Variants in ENTREP2 observed in about 807,000 individuals in gnomAD.
ENTREP2 encodes the protein endosomal transmembrane epsin interactor 2.
At chr15:29,357,280 G>A in the ENTREP2 span, among the ~76,000 whole-genome samples, 16 of 151,968 alleles carry the variant, frequency 1.1e-4, no homozygotes, top group South Asian at 2.3e-3. Context: ...AGGTAGGGAA[G>A]GATTTCTTAA....
chr15:29,410,824 T>G, the ENTREP2 span, among the ~76,000 whole-genome samples: 8 of 152,338 alleles, frequency 5.3e-5, 1 homozygote, highest in South Asian at 1.7e-3. Flanking sequence ...CTTGCTCTGT[T>G]GCCCAGGCTG....
At chr15:29,257,711 C>A in the ENTREP2 span, among the ~76,000 whole-genome samples, 1 of 152,122 alleles carries the variant, frequency 6.6e-6, no homozygotes, top group Non-Finnish European at 1.5e-5. Flanking sequence ...ACTGGTATTA[C>A]CATTCTCTAC....
chr15:29,602,262 A>G, the ENTREP2 span, among the ~76,000 whole-genome samples: 2 of 152,230 alleles, frequency 1.3e-5, no homozygotes, highest in Non-Finnish European at 2.9e-5. Context: ...TTGTGTATGA[A>G]AAAATACTCG....
At chr15:29,549,860 T>C in the ENTREP2 span, among the ~76,000 whole-genome samples, 2 of 152,168 alleles carry the variant, frequency 1.3e-5, no homozygotes, top group Non-Finnish European at 2.9e-5. Context: ...CTGACTGAAA[T>C]TGGCTCCTGA....
the ENTREP2 span, among the ~76,000 whole-genome samples, chr15:29,422,258 G>C: frequency 6.6e-6 from 1 of 150,784 alleles, no homozygotes; most frequent in Non-Finnish European, 1.5e-5. Flanking sequence ...CAACAAGAGT[G>C]AAACTCCGTG....
chr15:29,307,885 T>A, the ENTREP2 span, among the ~76,000 whole-genome samples: 51 of 152,272 alleles, frequency 3.3e-4, no homozygotes, highest in Middle Eastern at 3.4e-3. Flanking sequence ...AAACTAAATT[T>A]TTGTGTTTAA....
chr15:29,372,907 T>C, the ENTREP2 span, among the ~76,000 whole-genome samples: 8 of 152,076 alleles, frequency 5.3e-5, no homozygotes, highest in African/African-American at 1.9e-4. Context: ...AAAATGGTCA[T>C]CCGTTAGGAA....
chr15:29,577,887 A>G, the ENTREP2 span, among the ~76,000 whole-genome samples: 16 of 152,190 alleles, frequency 1.1e-4, no homozygotes, highest in Non-Finnish European at 2.2e-4. Context: ...AGTCAAATTC[A>G]TAATGACAGA....
chr15:29,550,632 T>G, the ENTREP2 span, among the ~76,000 whole-genome samples: 2 of 152,326 alleles, frequency 1.3e-5, no homozygotes, highest in Admixed American at 1.3e-4. Context: ...AAATTAACTG[T>G]TTTTAAAAAG....
At chr15:29,226,885 A>C in the ENTREP2 span, among the ~76,000 whole-genome samples, 1 of 152,228 alleles carries the variant, frequency 6.6e-6, no homozygotes, top group Non-Finnish European at 1.5e-5. Context: ...AACAATACAT[A>C]ATTGGCTCAT....
At chr15:29,221,351 A>G in the ENTREP2 span, among the ~76,000 whole-genome samples, 1 of 151,810 alleles carries the variant, frequency 6.6e-6, no homozygotes, top group Admixed American at 6.6e-5. Flanking sequence ...ATAGGTGCCC[A>G]CCACCACGCC....
At chr15:29,241,022 G>A in the ENTREP2 span, among the ~76,000 whole-genome samples, 2 of 152,168 alleles carry the variant, frequency 1.3e-5, no homozygotes, top group Non-Finnish European at 2.9e-5. Flanking sequence ...TATCTTTTAT[G>A]TAATTTTCCA....
the ENTREP2 span, among the ~76,000 whole-genome samples, chr15:29,300,551 T>C: frequency 2.6e-5 from 4 of 152,230 alleles, no homozygotes; most frequent in Non-Finnish European, 4.4e-5. Context: ...TGTGTTGTTA[T>C]GAACAATTAC....
chr15:29,603,193 T>C, the ENTREP2 span, among the ~76,000 whole-genome samples: 2 of 152,164 alleles, frequency 1.3e-5, no homozygotes, highest in Non-Finnish European at 2.9e-5. Context: ...GACCTGGCCC[T>C]GGGTGGAAGC....
At chr15:29,198,389 A>T in the ENTREP2 span, among the ~76,000 whole-genome samples, 1 of 152,248 alleles carries the variant, frequency 6.6e-6, no homozygotes, top group Non-Finnish European at 1.5e-5. Context: ...ACTAGGTAAG[A>T]TCAAACCATT....
At chr15:29,124,564 G>T in the ENTREP2 span, 1 of 739,762 alleles carries the variant, frequency 1.4e-6, no homozygotes, top group Non-Finnish European at 2.2e-6. Context: ...ACAGTGGGCA[G>T]CCCCCATTCC....
At chr15:29,400,962 T>C in the ENTREP2 span, among the ~76,000 whole-genome samples, 1 of 152,236 alleles carries the variant, frequency 6.6e-6, no homozygotes, top group Non-Finnish European at 1.5e-5. Context: ...CCCCGGGCCT[T>C]CTGATGCACT....
chr15:29,526,521 T>C, the ENTREP2 span, among the ~76,000 whole-genome samples: 164 of 152,200 alleles, frequency 1.1e-3, no homozygotes, highest in Non-Finnish European at 1.4e-3. Flanking sequence ...TAGGGTGCAA[T>C]AGCGTGATCA....
chr15:29,511,606 C>T, the ENTREP2 span, among the ~76,000 whole-genome samples: 2 of 151,818 alleles, frequency 1.3e-5, no homozygotes, highest in Non-Finnish European at 1.5e-5. Flanking sequence ...GGATTACAGG[C>T]GTGAGCCACC....
Sources: gnomAD v4.1 joint callset for allele counts (sites outside exome capture counted in the v4.1 genomes callset) on GRCh38, gnomAD v4.1.1 for gene constraint, MANE v1.5 for transcripts, NCBI Gene and HGNC (gene_info 2026-07-23, HGNC 2026-07-21) for gene names.